DIRAS2: variants seen among roughly 807,000 people sequenced by gnomAD.
DIRAS2 encodes GTP-binding protein Di-Ras2.
In DIRAS2, 5 loss-of-function variants were observed where a neutral mutation model predicts 13.9. That is an observed-to-expected ratio of 0.36 (90% CI 0.19 to 0.76). The LOEUF is 0.76. Among genes scored for constraint, DIRAS2 ranks in the 30% least tolerant of loss-of-function variants. The probability of loss-of-function intolerance (pLI) is 0.53; values close to 1 mark genes in which losing one functional copy is unlikely to be tolerated. For synonymous variants in DIRAS2, 111 were observed against 105.4 expected, an observed-to-expected ratio of 1.05 and a Z score of -0.33; for missense variants, 191 against 263.0, an observed-to-expected ratio of 0.73 and a Z score of 1.89.
rs549559834 is a variant in DIRAS2, at chr9:90,613,224, G to A, written c.*4C>T. On this transcript the variant is annotated 3_prime_UTR_variant, in exon 2 of 2. Coordinates refer to ENST00000375765, the MANE Select transcript of DIRAS2 (RefSeq NM_017594.5). This position sits in a 1 kb window ranked among gnomAD's most constrained non-coding sequence, Gnocchi z 5.6. ...CACAGCTGCTCCTCCCGCAGGAAGGGCCTTCACATGATCACGCACTTGCCT... is the reference window on the plus strand; with the variant it reads ...CACAGCTGCTCCTCCCGCAGGAAGGACCTTCACATGATCACGCACTTGCCT... 7 of 1,608,880 alleles carry A rather than the reference G, an allele frequency of 4.4e-6. No homozygotes were observed. The African/African-American group carries it at 5.3e-5, about 12-fold the overall frequency.
chr9:90,616,343 G>A (rs1825168911), intron 1 of DIRAS2, among the ~76,000 whole-genome samples: 1 of 152,148 alleles, frequency 6.6e-6, no homozygotes, highest in African/African-American at 2.4e-5. Flanking sequence ...CTTAAGGAAG[G>A]ATCTCTATTC....
At chr9:90,616,444 AAG>A (rs1825169411) in intron 1 of DIRAS2, among the ~76,000 whole-genome samples, 1 of 152,216 alleles carries the variant, frequency 6.6e-6, no homozygotes. Context: ...AGTGCTGCAA[AAG>A]AGAGGTCTGA....
intron 1 of DIRAS2, among the ~76,000 whole-genome samples, chr9:90,635,300 T>G (rs1825360384): frequency 6.6e-6 from 1 of 152,240 alleles, no homozygotes; most frequent in Non-Finnish European, 1.5e-5. Flanking sequence ...TAATCATAGC[T>G]AATCTGGGAA....
chr9:90,616,306 C>T lies in DIRAS2; in HGVS notation c.-36-2443G>A, dbSNP rs575794014. 1.4e-3 allele frequency among the ~76,000 whole-genome samples: 220 copies of T among 152,280 alleles called. 1 individual carries two copies. The highest frequency in any genetic ancestry group is 5.0e-3 in the African/African-American group (209 of 41,560). On this transcript the variant is annotated intron_variant, in intron 1 of 1. Transcript: ENST00000375765. ...ACTAAACCAGGCTGTGGACAAGCGGCCAGAAAACAACTGTGCAGAGGACAG... is the reference window on the plus strand; with the variant it reads ...ACTAAACCAGGCTGTGGACAAGCGGTCAGAAAACAACTGTGCAGAGGACAG...
chr9:90,613,293 C>G lies in DIRAS2; in HGVS notation c.535G>C (p.Asp179His). The change falls in exon 2 of 2, where the codon GAC becomes CAC. Residue 179 changes from aspartate to histidine, a missense_variant. Asp to His is a moderately conservative substitution (Grantham distance 81, BLOSUM62 -1). Coordinates refer to ENST00000375765, the MANE Select transcript of DIRAS2 (RefSeq NM_017594.5). This position sits in a 1 kb window ranked among gnomAD's most constrained non-coding sequence, Gnocchi z 5.6. ...EKRRTVSLQI[D>H]GKKSKQQKRK... ...TTCTGCTGCTTGCTCTTTTTCCCGT[C>G]GATCTGGAGACTCACGGTCCTGCGC... 6.2e-7 allele frequency: 1 copy of G among 1,613,896 alleles called. No individual in the cohort carries two copies. Among genetic ancestry groups the G allele is most frequent in the Non-Finnish European group, 8.5e-7 (1 of 1,180,002 alleles).
intron 1 of DIRAS2, among the ~76,000 whole-genome samples, chr9:90,631,259 A>G (rs1825322286): frequency 6.6e-6 from 1 of 152,198 alleles, no homozygotes; most frequent in Non-Finnish European, 1.5e-5. Context: ...CGCTTGTCCA[A>G]CATGCTCAAG....
chr9:90,625,167 A>G (rs1400234590), intron 1 of DIRAS2, among the ~76,000 whole-genome samples: 1 of 152,210 alleles, frequency 6.6e-6, no homozygotes, highest in African/African-American at 2.4e-5. Context: ...TATGGAAAAT[A>G]AAGTATTTGA....
chr9:90,637,873 G>A (rs776332500), intron 1 of DIRAS2, among the ~76,000 whole-genome samples: 8 of 152,200 alleles, frequency 5.3e-5, no homozygotes, highest in Non-Finnish European at 1.0e-4. Context: ...GCATGGGTTT[G>A]AAGTCAGCAG....
At position 90,610,431 on chromosome 9, in the gene DIRAS2, A is replaced by G. The variant is rs1825100127; in HGVS notation, c.*2797T>C. 2 of 398,844 alleles carry G rather than the reference A, an allele frequency of 5.0e-6. No homozygotes were observed. The highest frequency in any genetic ancestry group is 4.4e-5 in the Admixed American group (1 of 22,698). The allele number at this position is 398,844 out of a possible 1,614,324, so 24.7% of individuals were successfully genotyped here. A position where few individuals can be genotyped will look rare whatever the true frequency, so the allele number is the denominator to read the frequency against. On this transcript the variant is annotated 3_prime_UTR_variant, in exon 2 of 2. Coordinates refer to ENST00000375765, the MANE Select transcript of DIRAS2 (RefSeq NM_017594.5). ...ATGCATGCCCATGGCTTGTCGCTGGATGGAGGAGGGGCTCATGGGGATAGA... is the reference window on the plus strand; with the variant it reads ...ATGCATGCCCATGGCTTGTCGCTGGGTGGAGGAGGGGCTCATGGGGATAGA...
In DIRAS2 at chr9:90,634,427, C is replaced by T. The variant is rs996686779; in HGVS notation, c.-37+8325G>A. On this transcript the variant is annotated intron_variant, in intron 1 of 1. Transcript: ENST00000375765. ...AATAATTACCAATGTGTCTAGAATC[C>T]AATGATCAATAACCTCATACAGTCC... Among the ~76,000 whole-genome samples the T allele has an allele frequency of 2.0e-5, 3 of 152,192 alleles. No homozygotes were observed. The East Asian group carries it at 5.8e-4, about 29-fold the overall frequency.
At chr9:90,623,484 AT>A (rs1174046876) in intron 1 of DIRAS2, among the ~76,000 whole-genome samples, 1 of 152,104 alleles carries the variant, frequency 6.6e-6, no homozygotes, top group African/African-American at 2.4e-5. Flanking sequence ...ATAAAAAAAA[AT>A]CCATCCCAAA....
intron 1 of DIRAS2, among the ~76,000 whole-genome samples, chr9:90,638,975 G>C (rs1007159004): frequency 8.6e-5 from 13 of 152,044 alleles, no homozygotes; most frequent in Non-Finnish European, 1.8e-4. Flanking sequence ...ATCTAAAGAT[G>C]GTAAAGGAGG....
At position 90,642,808 on chromosome 9, in the gene DIRAS2, A is replaced by C. The variant is rs182293791; in HGVS notation, c.-93T>G. ...CTTCAGAGCTCCACTCGCGCAGGACAGGGCAGCGCAGGGTGTGTGGATGCG... is the reference window on the plus strand; with the variant it reads ...CTTCAGAGCTCCACTCGCGCAGGACCGGGCAGCGCAGGGTGTGTGGATGCG... On this transcript the variant is annotated 5_prime_UTR_variant, in exon 1 of 2. Coordinates refer to ENST00000375765, the MANE Select transcript of DIRAS2 (RefSeq NM_017594.5). 2 of 152,408 alleles carry C rather than the reference A, an allele frequency of 1.3e-5. No homozygotes were observed. The highest frequency in any genetic ancestry group is 2.9e-5 in the Non-Finnish European group (2 of 68,064). 9.4% of individuals were successfully genotyped at this position (152,408 alleles called of 1,614,324 possible).
At chr9:90,638,837 C>T (rs754450385) in intron 1 of DIRAS2, among the ~76,000 whole-genome samples, 33 of 152,092 alleles carry the variant, frequency 2.2e-4, no homozygotes, top group Middle Eastern at 3.4e-3. Context: ...CTTTTTGTTC[C>T]GCATCTTCTA....
intron 1 of DIRAS2, among the ~76,000 whole-genome samples, chr9:90,634,451 C>T (rs1245599294): frequency 6.6e-6 from 1 of 152,214 alleles, no homozygotes. Flanking sequence ...CTCATACAGT[C>T]CTAATACCTG....
intron 1 of DIRAS2, among the ~76,000 whole-genome samples, chr9:90,636,573 A>G (rs1825373424): frequency 6.6e-6 from 1 of 152,204 alleles, no homozygotes; most frequent in African/African-American, 2.4e-5. Flanking sequence ...CTTACTCAAC[A>G]TGATTTTTTT....
chr9:90,624,749 G>A (rs1052199965), intron 1 of DIRAS2, among the ~76,000 whole-genome samples: 3 of 149,546 alleles, frequency 2.0e-5, no homozygotes, highest in Non-Finnish European at 3.0e-5. Flanking sequence ...GTCTCACTCT[G>A]TCGCCAGGCT....
At chr9:90,627,291 A>G (rs1825278969) in intron 1 of DIRAS2, among the ~76,000 whole-genome samples, 1 of 152,136 alleles carries the variant, frequency 6.6e-6, no homozygotes, top group African/African-American at 2.4e-5. Context: ...AGTCTCCGGG[A>G]TTTCTTTATA....
At chr9:90,624,424 T>C (rs1256424627) in intron 1 of DIRAS2, among the ~76,000 whole-genome samples, 2 of 152,166 alleles carry the variant, frequency 1.3e-5, no homozygotes, top group Admixed American at 6.5e-5. Flanking sequence ...TAAAGACATC[T>C]TCCCTGGCAG....
Sources: gnomAD v4.1 joint callset for allele counts (sites outside exome capture counted in the v4.1 genomes callset) on GRCh38, gnomAD v4.1.1 for gene constraint, Gnocchi (gnomAD v3.1) non-coding constraint, MANE v1.5 for transcripts, NCBI Gene and HGNC (gene_info 2026-07-23, HGNC 2026-07-21) for gene names.